Variants in CFAP77 observed in about 807,000 individuals in gnomAD.
CFAP77 encodes cilia- and flagella-associated protein 77.
CFAP77 carries 25 observed loss-of-function variants against 31.1 expected under a neutral mutation model. That is an observed-to-expected ratio of 0.80 (90% CI 0.59 to 1.12). The LOEUF is 1.12. CFAP77 is among the 50% of genes most tolerant of loss of function. The probability of loss-of-function intolerance (pLI) is 0.00; values close to 1 mark genes in which losing one functional copy is unlikely to be tolerated. For missense variants in CFAP77, 377 were observed against 397.3 expected, an observed-to-expected ratio of 0.95 and a Z score of 0.44; for synonymous variants, 151 against 159.9, an observed-to-expected ratio of 0.94 and a Z score of 0.42.
At chr9:132,561,852 G>A (rs1829816471) in intron 5 of CFAP77, among the ~76,000 whole-genome samples, 1 of 152,186 alleles carries the variant, frequency 6.6e-6, no homozygotes, top group African/African-American at 2.4e-5. Context: ...AAGGAAAGAG[G>A]GAAGGGGAAG....
intron 3 of CFAP77, among the ~76,000 whole-genome samples, chr9:132,524,563 G>A (rs892311501): frequency 2.0e-5 from 3 of 151,656 alleles, no homozygotes; most frequent in African/African-American, 4.8e-5. Flanking sequence ...CAGTGAGCAG[G>A]AATTGTGCCA....
At chr9:132,459,860 G>C (rs1851017706) in intron 1 of CFAP77, among the ~76,000 whole-genome samples, 1 of 151,210 alleles carries the variant, frequency 6.6e-6, no homozygotes, top group South Asian at 2.1e-4. Flanking sequence ...GTCTGTGTGT[G>C]AGTGTGTGTA....
At chr9:132,448,690 G>A (rs1363426079) in intron 1 of CFAP77, among the ~76,000 whole-genome samples, 3 of 152,218 alleles carry the variant, frequency 2.0e-5, no homozygotes, top group African/African-American at 7.2e-5. Flanking sequence ...AGGTTCAAGC[G>A]ATTCTCCTGC....
intron 1 of CFAP77, among the ~76,000 whole-genome samples, chr9:132,443,036 T>C (rs1850640178): frequency 6.6e-6 from 1 of 152,220 alleles, no homozygotes; most frequent in African/African-American, 2.4e-5. Context: ...TTGCCTATTT[T>C]GGATATTGTA....
intron 5 of CFAP77, among the ~76,000 whole-genome samples, chr9:132,558,874 C>T (rs755876673): frequency 2.2e-4 from 33 of 150,894 alleles, no homozygotes; most frequent in South Asian, 6.3e-4. Flanking sequence ...ATTAGCCAGA[C>T]GTGATGGCAC....
chr9:132,414,616 G>C (rs1005824747), intron 1 of CFAP77, among the ~76,000 whole-genome samples: 2 of 152,016 alleles, frequency 1.3e-5, no homozygotes, highest in African/African-American at 4.8e-5. Flanking sequence ...TGCATTGCCC[G>C]GAAGAGTTCA....
Position 132,499,201 on chromosome 9 carries a change from C to T in CFAP77, c.296-171C>T, listed in dbSNP as rs186804827. Among the ~76,000 whole-genome samples the T allele has an allele frequency of 2.8e-3, 422 of 152,288 alleles. 1 individual carries two copies. Among genetic ancestry groups the T allele is most frequent in the Middle Eastern group, 6.8e-3 (2 of 294 alleles). ...TCAGGATCTCTGGGAGCCCTGATCCCGCCGTTTTGGGCCATCATGCTTTCT... is the reference window on the plus strand; with the variant it reads ...TCAGGATCTCTGGGAGCCCTGATCCTGCCGTTTTGGGCCATCATGCTTTCT... On this transcript the variant is annotated intron_variant, in intron 2 of 5. Coordinates refer to ENST00000393216, the MANE Select transcript of CFAP77 (RefSeq NM_001282957.2). The surrounding 1 kb of genome is among the most constrained non-coding windows in gnomAD (Gnocchi z 5.4).
At position 132,572,378 on chromosome 9, in the gene CFAP77, C is replaced by G. The variant is rs1167481168; in HGVS notation, c.733-10C>G. On this transcript the variant is annotated splice_polypyrimidine_tract_variant and intron_variant, in intron 5 of 5. Coordinates refer to ENST00000393216, the MANE Select transcript of CFAP77 (RefSeq NM_001282957.2). ...CCCCTCACCCACCCACTCTTCCCTT[C>G]TATCCACAGGTGGGCCGCCACCTTG... The G allele has an allele frequency of 3.1e-6, 5 of 1,612,546 alleles. No homozygotes were observed. Among genetic ancestry groups the G allele is most frequent in the Non-Finnish European group, 4.2e-6 (5 of 1,179,412 alleles).
At chr9:132,437,503 A>ATTT (rs763301010) in intron 1 of CFAP77, among the ~76,000 whole-genome samples, 916 of 90,468 alleles carry the variant, frequency 0.01, 28 homozygotes, top group African/African-American at 0.026. Context: ...CCACTTTTGC[A>ATTT]TTTTTTTTTT....
chr9:132,493,906 C>A (rs867738076), intron 1 of CFAP77, among the ~76,000 whole-genome samples: 3 of 148,416 alleles, frequency 2.0e-5, no homozygotes, highest in Non-Finnish European at 4.5e-5. Context: ...TTCCTTCCTT[C>A]CTTCCTTTCT....
chr9:132,504,245 C>G (rs1420465932), intron 3 of CFAP77, among the ~76,000 whole-genome samples: 1 of 152,212 alleles, frequency 6.6e-6, no homozygotes, highest in Non-Finnish European at 1.5e-5. Flanking sequence ...TGTCCTACTT[C>G]CTTGGAACCG....
In CFAP77 at chr9:132,498,705, G is replaced by T; in HGVS notation, c.206G>T (p.Gly69Val). Reference protein sequence around the residue: ...QNPLIVKAELGKPRERSYSLP... With the variant: ...QNPLIVKAELVKPRERSYSLP... The stretch of plus-strand genomic sequence containing the variant: ...TCCTTCCCCCGACAGGCTGAACTCG[G>T]CAAGCCCCGGGAAAGAAGCTACAGT... The change falls in exon 2 of 6, where the codon GGC becomes GTC. Residue 69 changes from glycine (G) to valine (V), a missense_variant. By Grantham distance (109) the Gly-to-Val change is moderately radical. Transcript: ENST00000393216. The surrounding 1 kb of genome is among the most constrained non-coding windows in gnomAD (Gnocchi z 4.2). 3.7e-6 allele frequency: 6 copies of T among 1,610,824 alleles called. No homozygotes were observed. Among genetic ancestry groups the T allele is most frequent in the Non-Finnish European group, 5.1e-6 (6 of 1,178,296 alleles).
chr9:132,458,277 C>T (rs1290129897), intron 1 of CFAP77, among the ~76,000 whole-genome samples: 1 of 147,668 alleles, frequency 6.8e-6, no homozygotes, highest in Non-Finnish European at 1.5e-5. Context: ...GTGCAGCTTA[C>T]GGTCGCAGCG....
At position 132,501,347 on chromosome 9, in the gene CFAP77, A is replaced by G. The variant is rs1413642914; in HGVS notation, c.524+1747A>G. Reference sequence around the variant, plus strand: ...GCCCAGTGCAAAGGGCGTTGGTGCTACAGACACCTTGAGTTCAAGACTCTT... The same window carrying G: ...GCCCAGTGCAAAGGGCGTTGGTGCTGCAGACACCTTGAGTTCAAGACTCTT... On this transcript the variant is annotated intron_variant, in intron 3 of 5. Coordinates refer to ENST00000393216, the MANE Select transcript of CFAP77 (RefSeq NM_001282957.2). This position sits in a 1 kb window ranked among gnomAD's most constrained non-coding sequence, Gnocchi z 4.6. Among the ~76,000 whole-genome samples, 1 of 151,736 alleles carries G rather than the reference A, an allele frequency of 6.6e-6. No homozygotes were observed. The highest frequency in any genetic ancestry group is 2.4e-5 in the African/African-American group (1 of 41,252).
chr9:132,550,983 G>T (rs1156664125), intron 5 of CFAP77, among the ~76,000 whole-genome samples: 1 of 152,190 alleles, frequency 6.6e-6, no homozygotes, highest in African/African-American at 2.4e-5. Flanking sequence ...CCTCAGAAAG[G>T]GAAAGTGCAT....
In CFAP77 at chr9:132,495,184, A is replaced by ATT. The variant is rs112247278; in HGVS notation, c.196-3500_196-3499dup. Reference sequence around the variant, plus strand: ...AAGTATGAGCAAACCTCCCATTGGGATTTTTTTTTTTTGTAGTCTAAAGCT... The same window carrying ATT: ...AAGTATGAGCAAACCTCCCATTGGGATTTTTTTTTTTTTTGTAGTCTAAAGCT... On this transcript the variant is annotated intron_variant, in intron 1 of 5. Coordinates refer to ENST00000393216, the MANE Select transcript of CFAP77 (RefSeq NM_001282957.2). The surrounding 1 kb of genome is among the most constrained non-coding windows in gnomAD (Gnocchi z 4.2). Among the ~76,000 whole-genome samples the ATT allele has an allele frequency of 6.8e-6, 1 of 147,494 alleles. No individual in the cohort carries two copies. Among genetic ancestry groups the ATT allele is most frequent in the East Asian group, 2.0e-4 (1 of 5,062 alleles).
At chr9:132,571,643 C>T (rs1440770312) in intron 5 of CFAP77, among the ~76,000 whole-genome samples, 1 of 152,190 alleles carries the variant, frequency 6.6e-6, no homozygotes, top group Non-Finnish European at 1.5e-5. Context: ...CAAACCCTTT[C>T]CACCCTGTGC....
intron 3 of CFAP77, among the ~76,000 whole-genome samples, chr9:132,503,789 C>T (rs573950201): frequency 6.6e-4 from 100 of 152,292 alleles, no homozygotes; most frequent in African/African-American, 2.3e-3. Flanking sequence ...TGGCTCACGC[C>T]TGTAATCCCA....
rs35737685 is a variant in CFAP77 at position 132,559,346 on chromosome 9, C to CAAAAAAAA, written c.733-13029_733-13022dup. ...CGCGTCAGAGTGAGACTCTGTCTTG[C>CAAAAAAAA]AAAAAAAAAAAAAAAAAAAAGGCAA... On this transcript the variant is annotated intron_variant, in intron 5 of 5. Transcript: ENST00000393216. Among the ~76,000 whole-genome samples the CAAAAAAAA allele has an allele frequency of 1.3e-3, 73 of 56,090 alleles. 1 individual carries two copies. Among genetic ancestry groups the CAAAAAAAA allele is most frequent in the African/African-American group, 2.8e-3 (34 of 12,220 alleles). 36.8% of individuals were successfully genotyped at this position (56,090 alleles called of 152,430 possible). A position where few individuals can be genotyped will look rare whatever the true frequency, so the allele number is the denominator to read the frequency against.
Sources: allele counts gnomAD v4.1 joint callset (sites outside exome capture counted in the v4.1 genomes callset), GRCh38; gene constraint gnomAD v4.1.1; non-coding constraint Gnocchi (gnomAD v3.1); transcripts MANE v1.5; gene names NCBI Gene and HGNC (gene_info 2026-07-23, HGNC 2026-07-21).